The following CCDC14 variants were observed in gnomAD, a reference collection of about 807,000 sequenced individuals.
CCDC14 encodes coiled-coil domain-containing protein 14.
A neutral mutation model predicts 81.4 loss-of-function variants in CCDC14; 71 were observed. The observed-to-expected ratio is 0.87, with a 90% CI of 0.72 to 1.06. CCDC14 has a LOEUF of 1.06. CCDC14 is among the 50% of genes least tolerant of loss of function. The pLI is 0.00. For synonymous variants in CCDC14, 332 were observed against 364.8 expected, an observed-to-expected ratio of 0.91 and a Z score of 1.03; for missense variants, 1,046 against 1,047.3, an observed-to-expected ratio of 1.00 and a Z score of 0.02.
At chr3:123,941,832 T>G (rs1415046635) in intron 9 of CCDC14, among the ~76,000 whole-genome samples, 1 of 152,084 alleles carries the variant, frequency 6.6e-6, no homozygotes, top group African/African-American at 2.4e-5. Flanking sequence ...GAGTGGCTTA[T>G]GAATTAGCTC....
downstream of CCDC14, among the ~76,000 whole-genome samples, chr3:123,896,127 G>C (rs760429057): frequency 6.6e-6 from 1 of 152,230 alleles, no homozygotes; most frequent in Non-Finnish European, 1.5e-5. Flanking sequence ...GCAGTGTTGA[G>C]AGATGCGGTC....
chr3:123,916,502 G>GTGTGTGT, intron 12 of CCDC14, among the ~76,000 whole-genome samples: 1 of 149,554 alleles, frequency 6.7e-6, no homozygotes, highest in Admixed American at 6.7e-5. Flanking sequence ...GTGTGTGTGT[G>GTGTGTGT]GCACAATACT....
chr3:123,907,419 T>G (rs1474521692), intron 5 of CCDC14, among the ~76,000 whole-genome samples: 2 of 152,010 alleles, frequency 1.3e-5, no homozygotes, highest in East Asian at 3.9e-4. Context: ...GATTTAAAAC[T>G]TTTCCTGGCT....
Position 123,944,844 on chromosome 3 carries a change from C to T in CCDC14, c.1343+5G>A. 6.2e-7 allele frequency: 1 copy of T among 1,602,028 alleles called. No homozygotes were observed. The highest frequency in any genetic ancestry group is 8.5e-7 in the Non-Finnish European group (1 of 1,172,038). ...AGACAAAAATATTCAAAGAGCAATT[C>T]TTACCTTCGTAACTGAGCATTCTCA... On this transcript the variant is annotated splice_donor_5th_base_variant and intron_variant, in intron 9 of 12. Transcript: ENST00000409697.
At chr3:123,935,197 CA>C (rs1172599281) in intron 9 of CCDC14, among the ~76,000 whole-genome samples, 9 of 152,042 alleles carry the variant, frequency 5.9e-5, no homozygotes, top group African/African-American at 2.2e-4. Flanking sequence ...TCTTCACTAA[CA>C]TGAAGAATTG....
intron 12 of CCDC14, among the ~76,000 whole-genome samples, chr3:123,927,866 A>G (rs1385630539): frequency 1.3e-5 from 2 of 152,146 alleles, no homozygotes; most frequent in Non-Finnish European, 2.9e-5. Flanking sequence ...ACTGCATGTT[A>G]TTTTGAAAGA....
At chr3:123,930,921 T>A in intron 12 of CCDC14, 181 bp downstream of exon 12, 2 of 568,682 alleles carry the variant, frequency 3.5e-6, no homozygotes. Context: ...TTTCGCCAGG[T>A]TTGAAATTCC....
chr3:123,951,786 T>G (rs1156923808), intron 5 of CCDC14, among the ~76,000 whole-genome samples: 1 of 151,994 alleles, frequency 6.6e-6, no homozygotes, highest in African/African-American at 2.4e-5. Flanking sequence ...TGTCATCAAC[T>G]AACATAAATT....
chr3:123,944,868 C>T lies in CCDC14; in HGVS notation c.1324G>A (p.Glu442Lys). Residue 442 changes from glutamate (E) to lysine (K), a missense_variant, in exon 9 of 13, where the codon GAG (glutamate) becomes AAG (lysine). Physicochemically the swap from Glu to Lys is moderately conservative, Grantham distance 56. Coordinates refer to ENST00000409697, the MANE Select transcript of CCDC14 (RefSeq NM_001366335.1). Reference sequence around the variant, plus strand: ...TCTTACCTTCGTAACTGAGCATTCTCACTTCTTAATGGTTGCATGGCCAGT... The same window carrying T: ...TCTTACCTTCGTAACTGAGCATTCTTACTTCTTAATGGTTGCATGGCCAGT... Reference protein sequence around the residue: ...IALAMQPLRSENAQLRRQLRI... With the variant: ...IALAMQPLRSKNAQLRRQLRI... 2 of 1,610,406 alleles carry T rather than the reference C, an allele frequency of 1.2e-6. No homozygotes were observed. Among genetic ancestry groups the T allele is most frequent in the South Asian group, 1.1e-5 (1 of 90,488 alleles).
At chr3:123,945,454 A>G (rs1221632143) in intron 8 of CCDC14, among the ~76,000 whole-genome samples, 1 of 152,134 alleles carries the variant, frequency 6.6e-6, no homozygotes, top group Non-Finnish European at 1.5e-5. Flanking sequence ...ATATTGAGTG[A>G]GGGTCTGCTA....
chr3:123,945,964 T>C (rs11921787), intron 8 of CCDC14, among the ~76,000 whole-genome samples: 1,819 of 152,228 alleles, frequency 0.012, 29 homozygotes, highest in African/African-American at 0.041. Flanking sequence ...AGCACTGTGC[T>C]GGACACATGG....
intron 12 of CCDC14, among the ~76,000 whole-genome samples, chr3:123,920,366 G>A (rs964364867): frequency 1.3e-5 from 2 of 152,128 alleles, no homozygotes. Context: ...TCCAAATCTA[G>A]GGAAAGACAC....
intron 9 of CCDC14, among the ~76,000 whole-genome samples, chr3:123,937,876 A>G (rs1366598690): frequency 6.6e-6 from 1 of 151,876 alleles, no homozygotes; most frequent in African/African-American, 2.4e-5. Flanking sequence ...TTTTAAAAAC[A>G]TGACTCTCTC....
At chr3:123,899,159 T>A (rs971989672) in intron 5 of CCDC14, among the ~76,000 whole-genome samples, 1 of 152,232 alleles carries the variant, frequency 6.6e-6, no homozygotes. Flanking sequence ...GACTTTAAGA[T>A]GTTTATTGTT....
At chr3:123,960,986 C>A (rs1400299881) in intron 1 of CCDC14, among the ~76,000 whole-genome samples, 158 bp downstream of exon 1, 1 of 152,152 alleles carries the variant, frequency 6.6e-6, no homozygotes, top group East Asian at 1.9e-4. Context: ...CGTGTTACGA[C>A]GGGAAGATTA....
intron 5 of CCDC14, among the ~76,000 whole-genome samples, chr3:123,902,387 G>C (rs950554991): frequency 2.0e-5 from 3 of 152,208 alleles, no homozygotes; most frequent in South Asian, 4.1e-4. Context: ...CCAACATCAC[G>C]AAGAGGGAGA....
chr3:123,917,559 C>T (rs1053641906), intron 12 of CCDC14, among the ~76,000 whole-genome samples: 3 of 150,820 alleles, frequency 2.0e-5, no homozygotes, highest in Non-Finnish European at 4.4e-5. Flanking sequence ...ATACAAAGGA[C>T]ATCAACAGGT....
Position 123,915,411 on chromosome 3 carries a change from C to A in CCDC14, c.2086G>T (p.Ala696Ser). The change falls in exon 13 of 13, where the codon GCA becomes TCA. Residue 696 changes from alanine to serine, a missense_variant. Physicochemically the swap from Ala to Ser is moderately conservative, Grantham distance 99. Transcript: ENST00000409697. ...QNSNTRGMEE[A>S]SAPGIISALS... ...GCAGAAATAATTCCAGGTGCAGATG[C>A]TTCCTCCATGCCCCTAGTGTTACTA... is the stretch of plus-strand genomic sequence containing the variant. The A allele has an allele frequency of 6.2e-7, 1 of 1,613,838 alleles. No individual in the cohort carries two copies. The highest frequency in any genetic ancestry group is 8.5e-7 in the Non-Finnish European group (1 of 1,179,830).
chr3:123,897,611 A>C, exon 6 of CCDC14: 1 of 1,190,052 alleles, frequency 8.4e-7, no homozygotes, highest in Non-Finnish European at 1.1e-6. Context: ...AGTTTTAAAA[A>C]GTCTGAAAGA....
Sources: gnomAD v4.1 joint callset for allele counts (sites outside exome capture counted in the v4.1 genomes callset) on GRCh38, gnomAD v4.1.1 for gene constraint, MANE v1.5 for transcripts, NCBI Gene and HGNC (gene_info 2026-07-23, HGNC 2026-07-21) for gene names.